Variants in TSPAN15 observed in about 807,000 individuals in gnomAD.
TSPAN15 encodes tetraspanin-15.
A neutral mutation model predicts 34.5 loss-of-function variants in TSPAN15; 20 were observed. That is an observed-to-expected ratio of 0.58 (90% CI 0.41 to 0.84). TSPAN15 has a LOEUF of 0.84. Ranked by LOEUF, TSPAN15 falls within the 40% of genes least tolerant of loss-of-function variation. The pLI, the probability that TSPAN15 is intolerant of heterozygous loss-of-function variation, is 0.00. For missense variants in TSPAN15, 313 were observed against 386.1 expected (o/e 0.81, Z 1.59); for synonymous variants, 155 against 153.9 (o/e 1.01, Z -0.05).
the TSPAN15 span, among the ~76,000 whole-genome samples, chr10:69,541,902 G>C: frequency 6.6e-6 from 1 of 152,352 alleles, no homozygotes; most frequent in East Asian, 1.9e-4. Flanking sequence ...AGGGGCTGCT[G>C]TGAAGTTCTC....
intron 1 of TSPAN15, among the ~76,000 whole-genome samples, chr10:69,464,548 A>G (rs1841341082): frequency 1.3e-5 from 2 of 152,228 alleles, no homozygotes; most frequent in Non-Finnish European, 2.9e-5. Context: ...GATGCGAGCT[A>G]GCTCTCAGGA....
intron 1 of TSPAN15, among the ~76,000 whole-genome samples, chr10:69,479,773 G>T (rs903901064): frequency 1.3e-5 from 2 of 152,218 alleles, no homozygotes; most frequent in Admixed American, 6.5e-5. Flanking sequence ...CTCTCCCCAT[G>T]CCCGCTGCTC....
At chr10:69,545,064 C>T in the TSPAN15 span, among the ~76,000 whole-genome samples, 4 of 152,206 alleles carry the variant, frequency 2.6e-5, no homozygotes, top group African/African-American at 9.6e-5. Context: ...TTCCTCAATG[C>T]CCTCTCCAAA....
At chr10:69,480,498 C>T (rs190564255) in intron 1 of TSPAN15, among the ~76,000 whole-genome samples, 6 of 152,230 alleles carry the variant, frequency 3.9e-5, no homozygotes, top group Non-Finnish European at 7.4e-5. Context: ...TTCCAGTACC[C>T]GAGTCCCTGA....
the TSPAN15 span, among the ~76,000 whole-genome samples, chr10:69,525,713 C>T: frequency 2.1e-5 from 3 of 145,330 alleles, 1 homozygote; most frequent in East Asian, 7.8e-4. Context: ...CCCAGCTACC[C>T]AGAAGGCTGA....
intron 1 of TSPAN15, among the ~76,000 whole-genome samples, chr10:69,463,061 A>G (rs935291287): frequency 6.6e-6 from 1 of 152,088 alleles, no homozygotes; most frequent in Non-Finnish European, 1.5e-5. Flanking sequence ...GAGTTCTAGA[A>G]TTTTGCTTTC....
intron 5 of TSPAN15, among the ~76,000 whole-genome samples, chr10:69,501,258 G>A (rs1477872198): frequency 6.6e-6 from 1 of 152,100 alleles, no homozygotes; most frequent in African/African-American, 2.4e-5. Flanking sequence ...ACTAGGCAAG[G>A]GGTGTAAACA....
intron 1 of TSPAN15, among the ~76,000 whole-genome samples, chr10:69,454,288 C>T (rs1841036092): frequency 6.6e-6 from 1 of 152,040 alleles, no homozygotes. Flanking sequence ...GAGACTGAGG[C>T]GGGAGGATCA....
At chr10:69,531,964 T>C in the TSPAN15 span, among the ~76,000 whole-genome samples, 1 of 145,798 alleles carries the variant, frequency 6.9e-6, no homozygotes, top group Non-Finnish European at 1.5e-5. Flanking sequence ...AAAAAAAACT[T>C]AGGAATATTA....
chr10:69,452,513 C>T (rs2133046542), intron 1 of TSPAN15, among the ~76,000 whole-genome samples: 1 of 152,254 alleles, frequency 6.6e-6, no homozygotes, highest in South Asian at 2.1e-4. Flanking sequence ...TAAATGGACA[C>T]AGTAATTATA....
the TSPAN15 span, among the ~76,000 whole-genome samples, chr10:69,547,013 A>C: frequency 6.6e-6 from 1 of 152,054 alleles, no homozygotes; most frequent in Non-Finnish European, 1.5e-5. Context: ...CATAATTTAA[A>C]TTAAAAATTA....
At chr10:69,455,650 CCTTT>C (rs1022969457) in intron 1 of TSPAN15, among the ~76,000 whole-genome samples, 21 of 116,292 alleles carry the variant, frequency 1.8e-4, no homozygotes, top group African/African-American at 5.3e-4. Context: ...TTTCTTTCTT[CCTTT>C]CTTTCTTTCA....
intron 2 of TSPAN15, among the ~76,000 whole-genome samples, chr10:69,484,639 G>A (rs748275): frequency 0.04 from 6,059 of 152,268 alleles, 385 homozygotes; most frequent in African/African-American, 0.13. Flanking sequence ...AAATCAGTTT[G>A]GGTAATGCCT....
At chr10:69,453,150 G>A (rs1401457450) in intron 1 of TSPAN15, among the ~76,000 whole-genome samples, 2 of 152,118 alleles carry the variant, frequency 1.3e-5, no homozygotes, top group Non-Finnish European at 2.9e-5. Context: ...ATGTTTGGGG[G>A]GCGGAGGATG....
intron 1 of TSPAN15, among the ~76,000 whole-genome samples, chr10:69,471,437 T>C (rs2133088013): frequency 6.6e-6 from 1 of 152,346 alleles, no homozygotes; most frequent in South Asian, 2.1e-4. Flanking sequence ...GACGTTAACA[T>C]TTACAAACAT....
At chr10:69,520,587 T>C in the TSPAN15 span, among the ~76,000 whole-genome samples, 1 of 151,958 alleles carries the variant, frequency 6.6e-6, no homozygotes, top group African/African-American at 2.4e-5. Flanking sequence ...ACCTGGGAGG[T>C]GGAGGTTGTA....
downstream of TSPAN15, among the ~76,000 whole-genome samples, chr10:69,508,217 G>T (rs912059766): frequency 1.1e-4 from 17 of 152,136 alleles, no homozygotes; most frequent in African/African-American, 3.6e-4. Context: ...GCTGAGGTGG[G>T]CCATCACGAG....
chr10:69,539,468 AG>A, the TSPAN15 span, among the ~76,000 whole-genome samples: 2 of 55,234 alleles, frequency 3.6e-5, no homozygotes, highest in Non-Finnish European at 6.7e-5. Context: ...AAGAAGGAGA[AG>A]GAGAAGGAGA....
intron 1 of TSPAN15, among the ~76,000 whole-genome samples, chr10:69,462,418 T>C (rs753261793): frequency 2.6e-5 from 4 of 152,132 alleles, no homozygotes; most frequent in Non-Finnish European, 4.4e-5. Flanking sequence ...CACTGCAAAC[T>C]CCGCCTCCCA....
Sources: allele counts gnomAD v4.1 joint callset (sites outside exome capture counted in the v4.1 genomes callset), GRCh38; gene constraint gnomAD v4.1.1; transcripts MANE v1.5; gene names NCBI Gene and HGNC (gene_info 2026-07-23, HGNC 2026-07-21).